Variants in CCDC158 observed in about 807,000 individuals in gnomAD.
CCDC158 encodes coiled-coil domain-containing protein 158.
Under a neutral mutation model 138.6 loss-of-function variants are expected in CCDC158, and 116 were observed. The ratio of observed to expected loss-of-function variants is 0.84; its 90% CI spans 0.72 to 0.98. CCDC158 has a LOEUF of 0.98. Ranked by LOEUF, CCDC158 falls within the 50% of genes least tolerant of loss-of-function variation. The pLI, the probability that CCDC158 is intolerant of heterozygous loss-of-function variation, is 0.00. For missense variants in CCDC158, 1,265 were observed against 1,306.1 expected, an observed-to-expected ratio of 0.97 and a Z score of 0.48; for synonymous variants, 436 against 442.4, an observed-to-expected ratio of 0.99 and a Z score of 0.18.
intron 18 of CCDC158, among the ~76,000 whole-genome samples, chr4:76,348,526 G>A (rs1235359691): frequency 6.6e-6 from 1 of 151,732 alleles, no homozygotes; most frequent in Non-Finnish European, 1.5e-5. Flanking sequence ...TTCCACCTTG[G>A]GGTTTAGGTT....
At chr4:76,376,093 T>A (rs1725692425) in intron 9 of CCDC158, among the ~76,000 whole-genome samples, 1 of 152,122 alleles carries the variant, frequency 6.6e-6, no homozygotes, top group Non-Finnish European at 1.5e-5. Context: ...CACCCTCTAT[T>A]GCCCAGGCTA....
At chr4:76,342,128 C>T (rs1478707615) in intron 18 of CCDC158, among the ~76,000 whole-genome samples, 5 of 152,080 alleles carry the variant, frequency 3.3e-5, no homozygotes, top group African/African-American at 7.2e-5. Flanking sequence ...ACTGCAACCT[C>T]GTACTCATGG....
chr4:76,373,962 TG>T (rs1725484596), intron 9 of CCDC158, among the ~76,000 whole-genome samples: 1 of 152,140 alleles, frequency 6.6e-6, no homozygotes, highest in African/African-American at 2.4e-5. Flanking sequence ...GAGACCAGCC[TG>T]GGCAGCATAG....
At chr4:76,375,942 CTT>C (rs1345044885) in intron 9 of CCDC158, among the ~76,000 whole-genome samples, 2 of 152,108 alleles carry the variant, frequency 1.3e-5, no homozygotes, top group Non-Finnish European at 2.9e-5. Context: ...AATGAAAACA[CTT>C]TTTAAAATGA....
At chr4:76,353,331 G>T in intron 15 of CCDC158, 50 bp from the exon 16 acceptor site, 1 of 1,399,072 alleles carries the variant, frequency 7.1e-7, no homozygotes, top group Non-Finnish European at 9.8e-7. Flanking sequence ...TGATGTAGAT[G>T]CTGAAAGGTA....
intron 9 of CCDC158, chr4:76,375,707 A>G (rs1725657140): frequency 1.5e-6 from 1 of 687,204 alleles, no homozygotes; most frequent in Non-Finnish European, 2.6e-6. Context: ...AGGTTCTCCT[A>G]AAGTGGAAAG....
intron 12 of CCDC158, 73 bp from the exon 13 acceptor site, chr4:76,362,388 C>T: frequency 9.2e-7 from 1 of 1,081,588 alleles, no homozygotes; most frequent in Non-Finnish European, 1.3e-6. Flanking sequence ...TTGATAGCTG[C>T]TAACACAGTC....
intron 24 of CCDC158, among the ~76,000 whole-genome samples, chr4:76,319,897 A>G (rs1240475843): frequency 1.3e-5 from 2 of 152,298 alleles, no homozygotes; most frequent in Admixed American, 1.3e-4. Context: ...GAGGATGCCC[A>G]CTTTCACCAC....
intron 14 of CCDC158, chr4:76,356,736 TAA>T (rs914649727): frequency 5.9e-5 from 9 of 152,182 alleles, no homozygotes; most frequent in Non-Finnish European, 1.3e-4. Context: ...CTTCTGACAT[TAA>T]AAAATATTGA....
intron 2 of CCDC158, among the ~76,000 whole-genome samples, chr4:76,407,703 C>G (rs1469140470): frequency 6.6e-6 from 1 of 152,132 alleles, no homozygotes; most frequent in Non-Finnish European, 1.5e-5. Flanking sequence ...TATAGAACCA[C>G]AACCAAATAC....
intron 15 of CCDC158, among the ~76,000 whole-genome samples, chr4:76,353,591 C>T (rs765995994): frequency 6.6e-6 from 1 of 152,148 alleles, no homozygotes; most frequent in East Asian, 1.9e-4. Context: ...ATCAAATAAT[C>T]GTATATCAAA....
intron 10 of CCDC158, among the ~76,000 whole-genome samples, chr4:76,370,176 C>G (rs1407555026): frequency 6.6e-6 from 1 of 152,138 alleles, no homozygotes; most frequent in Non-Finnish European, 1.5e-5. Context: ...TATCTACACT[C>G]AAATGACTTA....
chr4:76,367,927 C>A, intron 11 of CCDC158, 151 bp from the exon 12 acceptor site: 1 of 739,230 alleles, frequency 1.4e-6, no homozygotes, highest in Non-Finnish European at 2.1e-6. Flanking sequence ...GGGGGTCTCA[C>A]TGTGTTCCCT....
At chr4:76,393,323 A>C (rs1727477883) in intron 4 of CCDC158, among the ~76,000 whole-genome samples, 1 of 152,104 alleles carries the variant, frequency 6.6e-6, no homozygotes, top group Non-Finnish European at 1.5e-5. Context: ...CCCAGAAATG[A>C]ATCCACTCAC....
intron 4 of CCDC158, among the ~76,000 whole-genome samples, chr4:76,386,289 G>A (rs1401368509): frequency 1.0e-5 from 1 of 99,142 alleles, no homozygotes; most frequent in Non-Finnish European, 2.2e-5. Flanking sequence ...GTGAAAAATA[G>A]TGAGGCAGGA....
intron 18 of CCDC158, among the ~76,000 whole-genome samples, chr4:76,343,012 T>A (rs757703837): frequency 1.3e-5 from 2 of 152,198 alleles, no homozygotes; most frequent in African/African-American, 2.4e-5. Context: ...TCCCCCTAAA[T>A]GAATTTAGAG....
At chr4:76,323,974 T>C (rs1313529742) in intron 23 of CCDC158, among the ~76,000 whole-genome samples, 1 of 152,230 alleles carries the variant, frequency 6.6e-6, no homozygotes, top group Non-Finnish European at 1.5e-5. Flanking sequence ...ATGTAAGCTA[T>C]TCTCTTACCA....
chr4:76,357,532 C>T lies in CCDC158; in HGVS notation c.2021-6G>A. On this transcript the variant is annotated splice_region_variant and splice_polypyrimidine_tract_variant and intron_variant, in intron 13 of 24. Transcript: ENST00000682701. ...TTTTAAGACTTCATACTCCTCTATA[C>T]AATGTGATAATCAATAATAGATGGT... 6.7e-7 allele frequency: 1 copy of T among 1,499,318 alleles called. No homozygotes were observed. Among genetic ancestry groups the T allele is most frequent in the Non-Finnish European group, 9.0e-7 (1 of 1,115,630 alleles). 92.9% of individuals were successfully genotyped at this position (1,499,318 alleles called of 1,614,324 possible). A position where few individuals can be genotyped will look rare whatever the true frequency, so the allele number is the denominator to read the frequency against.
chr4:76,411,180 T>C (rs959563184), intron 2 of CCDC158, among the ~76,000 whole-genome samples: 2 of 152,114 alleles, frequency 1.3e-5, no homozygotes, highest in Non-Finnish European at 2.9e-5. Flanking sequence ...GGTGGGCGGA[T>C]CACTTGAGCC....
Sources: gnomAD v4.1 joint callset for allele counts (sites outside exome capture counted in the v4.1 genomes callset) on GRCh38, gnomAD v4.1.1 for gene constraint, MANE v1.5 for transcripts, NCBI Gene and HGNC (gene_info 2026-07-23, HGNC 2026-07-21) for gene names.